CYP4F22: variants seen among roughly 807,000 people sequenced by gnomAD.
The protein encoded by CYP4F22 is ultra-long-chain fatty acid omega-hydroxylase.
Under a neutral mutation model 60.4 loss-of-function variants are expected in CYP4F22, and 37 were observed. The observed-to-expected ratio is 0.61, with a 90% CI of 0.47 to 0.81. The LOEUF is 0.81. CYP4F22 is among the 30% of genes least tolerant of loss of function. The probability of loss-of-function intolerance (pLI) is 0.00; values close to 1 mark genes in which losing one functional copy is unlikely to be tolerated. For missense variants in CYP4F22, 655 were observed against 715.0 expected, an observed-to-expected ratio of 0.92 and a Z score of 0.96; for synonymous variants, 258 against 280.5, an observed-to-expected ratio of 0.92 and a Z score of 0.80.
At chr19:15,533,591 CTT>C (rs34585637) in intron 4 of CYP4F22, among the ~76,000 whole-genome samples, 90 of 91,454 alleles carry the variant, frequency 9.8e-4, no homozygotes, top group African/African-American at 3.8e-3. Flanking sequence ...CAGTTTCATT[CTT>C]TTTTTTTTTT....
At chr19:15,544,727 C>T (rs1160484481) in intron 10 of CYP4F22, among the ~76,000 whole-genome samples, 2 of 152,144 alleles carry the variant, frequency 1.3e-5, no homozygotes, top group African/African-American at 4.8e-5. Flanking sequence ...GTATTCTTCT[C>T]AAGGCAGATT....
At position 15,540,617 on chromosome 19, in the gene CYP4F22, A is replaced by G; in HGVS notation, c.839A>G (p.Gln280Arg). ...MVHHFTTEVI[Q>R]ERRRALRQQG... is the part of the protein sequence containing the mutation. ...CACCACTTCACCACTGAAGTCATCC[A>G]GGAACGGCGGCGGGCACTGCGTCAG... Residue 280 changes from glutamine to arginine, a missense_variant, in exon 8 of 14, where the codon CAG (glutamine) becomes CGG (arginine). By Grantham distance (43) the Gln-to-Arg change is conservative (BLOSUM62 1). Transcript: ENST00000269703. 6.2e-7 allele frequency: 1 copy of G among 1,614,264 alleles called. No individual in the cohort carries two copies. Among genetic ancestry groups the G allele is most frequent in the Non-Finnish European group, 8.5e-7 (1 of 1,180,056 alleles).
At chr19:15,521,334 C>T (rs974810729) in intron 1 of CYP4F22, among the ~76,000 whole-genome samples, 7 of 150,622 alleles carry the variant, frequency 4.6e-5, no homozygotes, top group Non-Finnish European at 8.8e-5. Context: ...CAGGTTCAAG[C>T]GATTCCTGGG....
At chr19:15,550,119 TG>T (rs1971577362) in intron 12 of CYP4F22, among the ~76,000 whole-genome samples, 1 of 151,926 alleles carries the variant, frequency 6.6e-6, no homozygotes, top group Non-Finnish European at 1.5e-5. Flanking sequence ...TTAGTAGAGA[TG>T]GGGTTTCACC....
At chr19:15,541,230 T>C (rs756197812) in intron 8 of CYP4F22, among the ~76,000 whole-genome samples, 3 of 152,224 alleles carry the variant, frequency 2.0e-5, no homozygotes, top group Non-Finnish European at 4.4e-5. Context: ...ACATCAGCCA[T>C]TTATTCTCTC....
intron 1 of CYP4F22, among the ~76,000 whole-genome samples, chr19:15,513,798 C>T (rs1406300296): frequency 6.6e-6 from 1 of 152,104 alleles, no homozygotes; most frequent in Non-Finnish European, 1.5e-5. Context: ...CCACCGCACC[C>T]GGCCCAGTGC....
chr19:15,529,907 T>A (rs904292069), intron 4 of CYP4F22, 54 bp downstream of exon 4: 2 of 1,610,824 alleles, frequency 1.2e-6, no homozygotes, highest in African/African-American at 2.7e-5. Context: ...CCAGAGCCTA[T>A]CTGAGATTCT....
At chr19:15,509,914 T>TTCC (rs1568350884) in intron 1 of CYP4F22, among the ~76,000 whole-genome samples, 4 of 133,910 alleles carry the variant, frequency 3.0e-5, no homozygotes, top group Admixed American at 7.7e-5. Context: ...CCTTTCTTTC[T>TTCC]TTCCTTCCTT....
At chr19:15,542,253 C>T (rs539309212) in intron 8 of CYP4F22, among the ~76,000 whole-genome samples, 5 of 152,066 alleles carry the variant, frequency 3.3e-5, no homozygotes, top group South Asian at 4.2e-4. Context: ...CAGGATAAGC[C>T]GGGCGCAGTG....
chr19:15,548,193 C>T lies in CYP4F22; in HGVS notation c.1222C>T (p.Gln408Ter). 6.2e-7 allele frequency: 1 copy of T among 1,614,100 alleles called. No individual in the cohort carries two copies. The highest frequency in any genetic ancestry group is 8.5e-7 in the Non-Finnish European group (1 of 1,180,036). ...CCCACCTGTCACTCTTGTCTCTCGC[C>T]AATGCACGGAGGACATCAAGCTCCC... ...QYPPVTLVSR[Q>*]CTEDIKLPDG... Residue 408 changes from glutamine to a stop codon, truncating the protein, a stop_gained, in exon 11 of 14, where the codon CAA (glutamine) becomes TAA (stop). Transcript: ENST00000269703. LOFTEE classifies it high-confidence loss of function.
chr19:15,537,302 A>C (rs1379040438), intron 4 of CYP4F22, 59 bp from the exon 5 acceptor site: 2 of 1,609,652 alleles, frequency 1.2e-6, no homozygotes, highest in Non-Finnish European at 1.7e-6. Context: ...CTCCGTAAAA[A>C]AAAACAAAAA....
At chr19:15,550,969 A>T (rs1027850311) in intron 13 of CYP4F22, among the ~76,000 whole-genome samples, 3 of 152,080 alleles carry the variant, frequency 2.0e-5, no homozygotes, top group Non-Finnish European at 4.4e-5. Flanking sequence ...TCAGGCCCTG[A>T]GTTCTGGGCT....
rs1191605224 is a variant in CYP4F22, at chr19:15,526,396, G to A, written c.222+838G>A. Among the ~76,000 whole-genome samples, 4 of 152,144 alleles carry A rather than the reference G, an allele frequency of 2.6e-5. No homozygotes were observed. The South Asian group carries it at 8.3e-4, about 32-fold the overall frequency. On this transcript the variant is annotated intron_variant, in intron 3 of 13. Transcript: ENST00000269703. Reference sequence around the variant, plus strand: ...TCTTTTTGAGACAGGGTCTCGCTATGTTGCCTAGGCTGATCTTGAACTCCT... The same window carrying A: ...TCTTTTTGAGACAGGGTCTCGCTATATTGCCTAGGCTGATCTTGAACTCCT...
chr19:15,551,088 T>C (rs1047507082), intron 13 of CYP4F22, among the ~76,000 whole-genome samples: 4 of 152,148 alleles, frequency 2.6e-5, no homozygotes, highest in African/African-American at 9.7e-5. Context: ...AGTAAGAGGC[T>C]GTACTGGGAT....
intron 1 of CYP4F22, among the ~76,000 whole-genome samples, chr19:15,519,503 T>C (rs1448153415): frequency 2.0e-5 from 3 of 152,246 alleles, no homozygotes; most frequent in Middle Eastern, 3.4e-3. Context: ...CCTCAAGTGA[T>C]CCACCCGCCT....
Position 15,531,206 on chromosome 19 carries a change from A to G in CYP4F22, c.367+1353A>G, listed in dbSNP as rs148411958. Among the ~76,000 whole-genome samples the G allele has an allele frequency of 5.4e-3, 822 of 152,142 alleles. 5 individuals are homozygous for G. The highest frequency in any genetic ancestry group is 8.4e-3 in the Non-Finnish European group (572 of 67,996). ...AGCCTGGGTAATCTAGCAAGACCCC[A>G]TCTGTACAAAAGCATTTAAAAATAT... On this transcript the variant is annotated intron_variant, in intron 4 of 13. Coordinates refer to ENST00000269703, the MANE Select transcript of CYP4F22 (RefSeq NM_173483.4).
rs569166154 is a variant in CYP4F22 at position 15,537,597 on chromosome 19, G to A, written c.484G>A (p.Ala162Thr). Residue 162 changes from alanine to threonine, a missense_variant, in exon 6 of 14, where the codon GCC becomes ACC. Physicochemically the swap from Ala to Thr is moderately conservative, Grantham distance 58. Transcript: ENST00000269703. Reference sequence around the variant, plus strand: ...CCGGCACCGTCGCCTGCTGACACCCGCCTTCCACTTTGACATCCTGAAGCC... The same window carrying A: ...CCGGCACCGTCGCCTGCTGACACCCACCTTCCACTTTGACATCCTGAAGCC... ...WSRHRRLLTPAFHFDILKPYM... is the reference protein window; with the variant it reads ...WSRHRRLLTPTFHFDILKPYM... The A allele has an allele frequency of 2.1e-4, 340 of 1,614,084 alleles. 2 individuals are homozygous for A. In the South Asian group the frequency reaches 2.2e-3, roughly 10 times the overall value.
intron 8 of CYP4F22, among the ~76,000 whole-genome samples, chr19:15,543,365 T>C (rs1971485399): frequency 6.6e-6 from 1 of 152,076 alleles, no homozygotes; most frequent in Non-Finnish European, 1.5e-5. Context: ...CTGGCTGATT[T>C]TTTTTTTGTA....
At chr19:15,537,117 G>A (rs530532130) in intron 4 of CYP4F22, among the ~76,000 whole-genome samples, 1 of 152,210 alleles carries the variant, frequency 6.6e-6, no homozygotes, top group Admixed American at 6.5e-5. Context: ...TGGCCAACAT[G>A]GTGAAACTCT....
Sources: gnomAD v4.1 joint callset for allele counts (sites outside exome capture counted in the v4.1 genomes callset) on GRCh38, gnomAD v4.1.1 for gene constraint, MANE v1.5 for transcripts, NCBI Gene and HGNC (gene_info 2026-07-23, HGNC 2026-07-21) for gene names.